PHTF1: variants seen among roughly 807,000 people sequenced by gnomAD.
The protein encoded by PHTF1 is protein PHTF1.
PHTF1 carries 88 observed loss-of-function variants against 102.4 expected under a neutral mutation model. The observed-to-expected ratio is 0.86, with a 90% confidence interval of 0.72 to 1.03. PHTF1 has a LOEUF of 1.03. PHTF1 is among the 50% of genes least tolerant of loss of function. The probability of loss-of-function intolerance (pLI) is 0.00; values close to 1 mark genes in which losing one functional copy is unlikely to be tolerated. For missense variants in PHTF1, 814 were observed against 909.5 expected, an observed-to-expected ratio of 0.89 and a Z score of 1.35; for synonymous variants, 289 against 305.2, an observed-to-expected ratio of 0.95 and a Z score of 0.55.
intron 15 of PHTF1, chr1:113,703,790 A>T: frequency 6.0e-6 from 2 of 331,408 alleles, no homozygotes; most frequent in Non-Finnish European, 1.1e-5. Flanking sequence ...ACTAATAAAT[A>T]CAGAAGGAAT....
chr1:113,756,205 ATGT>A (rs1658854903), intron 3 of PHTF1, among the ~76,000 whole-genome samples: 1 of 152,200 alleles, frequency 6.6e-6, no homozygotes, highest in African/African-American at 2.4e-5. Context: ...ACTATCAGTG[ATGT>A]TTAGCAGCTC....
chr1:113,758,093 C>A (rs1191880733), intron 2 of PHTF1, among the ~76,000 whole-genome samples: 1 of 151,832 alleles, frequency 6.6e-6, no homozygotes, highest in African/African-American at 2.4e-5. Context: ...ACTAAAAATA[C>A]AAAAAATTAG....
chr1:113,748,784 G>A (rs1230686), intron 3 of PHTF1, among the ~76,000 whole-genome samples: 96,669 of 151,950 alleles, frequency 0.64, 31,975 homozygotes, highest in African/African-American at 0.78. Flanking sequence ...GATCAGCCTC[G>A]GCCTCCCAAA....
At chr1:113,700,678 CT>C in intron 16 of PHTF1, 115 bp downstream of exon 16, 1 of 886,506 alleles carries the variant, frequency 1.1e-6, no homozygotes, top group Non-Finnish European at 1.7e-6. Flanking sequence ...TTGTGAGGTC[CT>C]GTAGCTAGAA....
rs1655822754 is a variant in PHTF1, at chr1:113,738,221, T to G, written c.220A>C (p.Thr74Pro). Reference sequence around the variant, plus strand: ...ACAACTCGAACAAGCCCCTTCCGAGTCAGAGATGTCCATGGAATTTCAGGT... The same window carrying G: ...ACAACTCGAACAAGCCCCTTCCGAGGCAGAGATGTCCATGGAATTTCAGGT... ...AKPEIPWTSL[T>P]RKGLVRVVFF... Residue 74 changes from threonine to proline, a missense_variant, in exon 5 of 19, where the codon ACT becomes CCT. Coordinates refer to ENST00000369604, the MANE Select transcript of PHTF1 (RefSeq NM_001323043.2). 2 of 1,613,748 alleles carry G rather than the reference T, an allele frequency of 1.2e-6. No homozygotes were observed. The highest frequency in any genetic ancestry group is 1.7e-6 in the Non-Finnish European group (2 of 1,179,832).
chr1:113,733,198 C>CA (rs2101549713), intron 5 of PHTF1, among the ~76,000 whole-genome samples: 1 of 151,448 alleles, frequency 6.6e-6, no homozygotes, highest in African/African-American at 2.4e-5. Context: ...CACTGCCCCC[C>CA]ACCTAGATAA....
chr1:113,743,333 C>T (rs1309031500), intron 3 of PHTF1, among the ~76,000 whole-genome samples: 1 of 151,978 alleles, frequency 6.6e-6, no homozygotes, highest in Non-Finnish European at 1.5e-5. Flanking sequence ...TGTCTCCCAC[C>T]TCCATATCTT....
intron 3 of PHTF1, among the ~76,000 whole-genome samples, chr1:113,752,385 ATTTTTTTTTTTTTTT>A (rs774522219): frequency 8.4e-5 from 4 of 47,840 alleles, no homozygotes; most frequent in Admixed American, 2.9e-4. Context: ...TGTTACTGTA[ATTTTTTTTTTTTTTT>A]TTTTTTTTTT....
intron 7 of PHTF1, among the ~76,000 whole-genome samples, chr1:113,722,344 CAGG>C (rs1653090983): frequency 6.6e-6 from 1 of 151,788 alleles, no homozygotes; most frequent in African/African-American, 2.4e-5. Context: ...GAGGCTGAGG[CAGG>C]AGAATGGCAT....
chr1:113,757,368 G>A (rs1659041765), intron 3 of PHTF1, among the ~76,000 whole-genome samples: 1 of 152,138 alleles, frequency 6.6e-6, no homozygotes, highest in Admixed American at 6.5e-5. Context: ...TGTATTTCCA[G>A]CTTCTCTTGA....
chr1:113,738,204 A>G lies in PHTF1; in HGVS notation c.237T>C (p.Val79=). ...TGAACAATGGAAAAAATACAACTCG[A>G]ACAAGCCCCTTCCGAGTCAGAGATG... is the stretch of plus-strand genomic sequence containing the variant. ...PWTSLTRKGL[V]RVVFFPLFSN... Residue 79 remains valine (V), a synonymous_variant, in exon 5 of 19, where the codon GTT becomes GTC. Coordinates refer to ENST00000369604, the MANE Select transcript of PHTF1 (RefSeq NM_001323043.2). 6.2e-7 allele frequency: 1 copy of G among 1,613,686 alleles called. No homozygotes were observed. Among genetic ancestry groups the G allele is most frequent in the Non-Finnish European group, 8.5e-7 (1 of 1,179,552 alleles).
intron 3 of PHTF1, among the ~76,000 whole-genome samples, chr1:113,746,096 C>A (rs1436605206): frequency 2.0e-5 from 3 of 152,172 alleles, no homozygotes; most frequent in Non-Finnish European, 4.4e-5. Flanking sequence ...ATGTAAAGCA[C>A]TAAACCTGGC....
chr1:113,741,723 G>T (rs564846782), intron 3 of PHTF1, among the ~76,000 whole-genome samples: 58 of 152,164 alleles, frequency 3.8e-4, no homozygotes, highest in African/African-American at 1.4e-3. Context: ...CAGATAATCT[G>T]CTTGAGCTAG....
intron 3 of PHTF1, among the ~76,000 whole-genome samples, chr1:113,742,716 A>T (rs567447050): frequency 6.6e-6 from 1 of 152,374 alleles, no homozygotes; most frequent in African/African-American, 2.4e-5. Context: ...TGAGTGAGTC[A>T]GTGAGTGAGT....
At position 113,759,170 on chromosome 1, in the gene PHTF1, G is replaced by GA; in HGVS notation, c.-179dup. ...ACGCCGGAGAGGCCGTTACCATGGA[G>GA]ACCGCGGAGGCCGCCCCAGCTTCGG... On this transcript the variant is annotated 5_prime_UTR_variant, in exon 1 of 19. Coordinates refer to ENST00000369604, the MANE Select transcript of PHTF1 (RefSeq NM_001323043.2). 1.2e-6 allele frequency: 1 copy of GA among 810,162 alleles called. No homozygotes were observed. Among genetic ancestry groups the GA allele is most frequent in the Non-Finnish European group, 1.5e-6 (1 of 669,128 alleles). 50.2% of individuals were successfully genotyped at this position (810,162 alleles called of 1,614,324 possible).
intron 3 of PHTF1, among the ~76,000 whole-genome samples, chr1:113,743,631 T>C (rs1656755773): frequency 6.6e-6 from 1 of 152,208 alleles, no homozygotes; most frequent in Admixed American, 6.5e-5. Flanking sequence ...GCATTTGGTT[T>C]GTTTACTCCA....
chr1:113,698,251 G>T lies in PHTF1; in HGVS notation c.2268+11C>A. 6.3e-7 allele frequency: 1 copy of T among 1,595,278 alleles called. No individual in the cohort carries two copies. On this transcript the variant is annotated intron_variant, in intron 18 of 18. Transcript: ENST00000369604. ...AAGACTAGGATGCTACAGAGTGGTG[G>T]TGATACTTACTCTTATATTAAATCC...
rs149907593 is a variant in PHTF1 at position 113,744,915 on chromosome 1, C to T, written c.103-6116G>A. On this transcript the variant is annotated intron_variant, in intron 3 of 18. Coordinates refer to ENST00000369604, the MANE Select transcript of PHTF1 (RefSeq NM_001323043.2). ...AGGGAGACAAGATCAAGCCACTGCACTCTAGCCTGGGTGACAGAGCAAGAC... is the reference window on the plus strand; with the variant it reads ...AGGGAGACAAGATCAAGCCACTGCATTCTAGCCTGGGTGACAGAGCAAGAC... Among the ~76,000 whole-genome samples, 26 of 150,170 alleles carry T rather than the reference C, an allele frequency of 1.7e-4. 1 individual carries two copies. The East Asian group carries it at 5.1e-3, about 30-fold the overall frequency.
chr1:113,757,631 G>C (rs1263272560), intron 3 of PHTF1, 68 bp downstream of exon 3: 28 of 989,608 alleles, frequency 2.8e-5, no homozygotes, highest in Non-Finnish European at 1.6e-6. Context: ...GAGTTTACCA[G>C]GTAAGTACAA....
Sources: allele counts gnomAD v4.1 joint callset (sites outside exome capture counted in the v4.1 genomes callset), GRCh38; gene constraint gnomAD v4.1.1; transcripts MANE v1.5; gene names NCBI Gene and HGNC (gene_info 2026-07-23, HGNC 2026-07-21).